The following SAMD7 variants were observed in gnomAD, a reference collection of about 807,000 sequenced individuals.
SAMD7 encodes sterile alpha motif domain-containing protein 7.
A neutral mutation model predicts 36.7 loss-of-function variants in SAMD7; 34 were observed. The observed-to-expected ratio is 0.93, with a 90% CI of 0.71 to 1.23. The LOEUF (loss-of-function observed/expected upper bound fraction) is 1.23. SAMD7 is among the 50% of genes most tolerant of loss of function. The probability of loss-of-function intolerance (pLI) is 0.00; values close to 1 mark genes in which losing one functional copy is unlikely to be tolerated. For missense variants in SAMD7, 570 were observed against 546.6 expected, an observed-to-expected ratio of 1.04 and a Z score of -0.43; for synonymous variants, 188 against 189.7, an observed-to-expected ratio of 0.99 and a Z score of 0.07.
intron 6 of SAMD7, among the ~76,000 whole-genome samples, chr3:169,927,487 G>A (rs1713326545): frequency 6.6e-6 from 1 of 151,760 alleles, no homozygotes; most frequent in African/African-American, 2.4e-5. Context: ...ATTAGAGCCG[G>A]GGTTTCACCA....
chr3:169,917,333 T>C (rs1044305611), intron 2 of SAMD7, among the ~76,000 whole-genome samples: 1 of 152,224 alleles, frequency 6.6e-6, no homozygotes, highest in African/African-American at 2.4e-5. Context: ...GTCACTACTT[T>C]GAAAAGCAGA....
chr3:169,922,680 A>G (rs190776094), intron 4 of SAMD7, among the ~76,000 whole-genome samples: 87 of 152,198 alleles, frequency 5.7e-4, no homozygotes, highest in African/African-American at 1.9e-3. Flanking sequence ...TTGTATTATT[A>G]GTAGAGACAG....
At position 169,933,057 on chromosome 3, in the gene SAMD7, A is replaced by G. The variant is rs932042484; in HGVS notation, c.1042-3282A>G. 35 of 878,072 alleles carry G rather than the reference A, an allele frequency of 4.0e-5. No homozygotes were observed. In the Admixed American group the frequency reaches 5.9e-4, roughly 15 times the overall value. The allele number at this position is 878,072 out of a possible 1,614,324, so 54.4% of individuals were successfully genotyped here. On this transcript the variant is annotated intron_variant, in intron 7 of 8. Transcript: ENST00000335556. ...GAACTACCTAAAGAATGGTGTGCTGAAGTCTACCTTAAAATCTGCCATGGC... is the reference window on the plus strand; with the variant it reads ...GAACTACCTAAAGAATGGTGTGCTGGAGTCTACCTTAAAATCTGCCATGGC...
chr3:169,917,834 G>A (rs996333040), intron 2 of SAMD7, among the ~76,000 whole-genome samples: 2 of 152,046 alleles, frequency 1.3e-5, no homozygotes, highest in African/African-American at 2.4e-5. Context: ...GGAGAGACAT[G>A]GTTTCACCAT....
At position 169,930,576 on chromosome 3, in the gene SAMD7, TTC is replaced by T. The variant is rs1365890655; in HGVS notation, c.1041+2000_1041+2001del. 8.8e-4 allele frequency among the ~76,000 whole-genome samples: 102 copies of T among 115,814 alleles called. 2 individuals are homozygous for T. The East Asian group carries it at 0.02, about 23-fold the overall frequency. 76.0% of individuals were successfully genotyped at this position (115,814 alleles called of 152,430 possible). ...CATTGTTACTCATAGCCCCTTTCTT[TTC>T]TTTTTTTTTTTTTTTTTTTTTGAGA... On this transcript the variant is annotated intron_variant, in intron 7 of 8. Transcript: ENST00000335556.
At chr3:169,933,864 A>G (rs1174720544) in intron 7 of SAMD7, among the ~76,000 whole-genome samples, 2 of 152,224 alleles carry the variant, frequency 1.3e-5, no homozygotes, top group Non-Finnish European at 2.9e-5. Flanking sequence ...GGTACAGAGC[A>G]TGGTGGGAAC....
intron 4 of SAMD7, among the ~76,000 whole-genome samples, chr3:169,923,674 G>A (rs1168142666): frequency 2.0e-5 from 3 of 152,136 alleles, no homozygotes; most frequent in Non-Finnish European, 2.9e-5. Context: ...CACGGGAGAG[G>A]GAGGTTGCAA....
intron 7 of SAMD7, 32 bp from the exon 8 acceptor site, chr3:169,936,307 A>C: frequency 7.5e-7 from 1 of 1,337,740 alleles, no homozygotes; most frequent in Non-Finnish European, 1.1e-6. Flanking sequence ...AAAGACATTC[A>C]GACAGAGTTA....
chr3:169,915,917 T>C (rs9876612), intron 2 of SAMD7, among the ~76,000 whole-genome samples: 47,409 of 151,872 alleles, frequency 0.31, 7,529 homozygotes, highest in Middle Eastern at 0.37. Flanking sequence ...TTGAGGAAAA[T>C]TTGATATAAA....
rs766350696 is a variant in SAMD7 at position 169,919,564 on chromosome 3, T to G, written c.66T>G (p.Phe22Leu). 1.9e-6 allele frequency: 3 copies of G among 1,613,644 alleles called. No homozygotes were observed. The highest frequency in any genetic ancestry group is 3.3e-5 in the Admixed American group (2 of 60,004). ...QQTIPLIPSPFGPPTVDRDVL... is the reference protein window; with the variant it reads ...QQTIPLIPSPLGPPTVDRDVL... Reference sequence around the variant, plus strand: ...CAATCCCACTGATCCCCTCACCATTTGGGCCTCCAACTGTGGACAGGTATT... The same window carrying G: ...CAATCCCACTGATCCCCTCACCATTGGGGCCTCCAACTGTGGACAGGTATT... The change falls in exon 3 of 9, where the codon TTT becomes TTG. Residue 22 changes from phenylalanine (F) to leucine (L), a missense_variant. Transcript: ENST00000335556.
intron 1 of SAMD7, among the ~76,000 whole-genome samples, chr3:169,913,128 C>A (rs1388143558): frequency 6.6e-6 from 1 of 152,188 alleles, no homozygotes; most frequent in African/African-American, 2.4e-5. Context: ...TATCTCAGAA[C>A]TGTGGAAACA....
rs1311379305 is a variant in SAMD7, at chr3:169,938,444, A to AT, written c.1285dup (p.Cys429LeufsTer9). 2 of 1,613,294 alleles carry AT rather than the reference A, an allele frequency of 1.2e-6. No individual in the cohort carries two copies. The highest frequency in any genetic ancestry group is 3.3e-5 in the Admixed American group (2 of 59,994). ...TAATTCCTGGAGTGATACAATGAACATTTTTTGTCCCCAGGATACAATAAT... is the reference window on the plus strand; with the variant it reads ...TAATTCCTGGAGTGATACAATGAACATTTTTTTGTCCCCAGGATACAATAAT... On this transcript the variant is annotated frameshift_variant, in exon 9 of 9. Coordinates refer to ENST00000335556, the MANE Select transcript of SAMD7 (RefSeq NM_001304366.2). LOFTEE classifies it high-confidence loss of function.
chr3:169,918,013 A>G (rs1345675083), intron 2 of SAMD7, among the ~76,000 whole-genome samples: 1 of 151,120 alleles, frequency 6.6e-6, no homozygotes, highest in Non-Finnish European at 1.5e-5. Context: ...TCTCAGCTCA[A>G]CGCAACCTCC....
rs2108254109 is a variant in SAMD7, at chr3:169,915,442, G to A, written c.-42+1G>A. 1 of 152,076 alleles carries A rather than the reference G, an allele frequency of 6.6e-6. No individual in the cohort carries two copies. Among genetic ancestry groups the A allele is most frequent in the Non-Finnish European group, 1.5e-5 (1 of 68,020 alleles). 9.4% of individuals were successfully genotyped at this position (152,076 alleles called of 1,614,324 possible). On this transcript the variant is annotated splice_donor_variant, in intron 2 of 8. Coordinates refer to ENST00000335556, the MANE Select transcript of SAMD7 (RefSeq NM_001304366.2). LOFTEE classifies it low-confidence loss of function (5UTR_SPLICE). ...TTCATCTCCACGGCTTTTCCTAAAG[G>A]TAACATGTAAGAGGAAGAGGTGGTG...
At chr3:169,927,326 G>A (rs1478248014) in intron 6 of SAMD7, 145 bp downstream of exon 6, 4 of 595,654 alleles carry the variant, frequency 6.7e-6, no homozygotes, top group Non-Finnish European at 9.5e-6. Context: ...ACGGAGTCCC[G>A]CTCAGTCGCC....
chr3:169,915,037 G>GA (rs1712739051), intron 1 of SAMD7, among the ~76,000 whole-genome samples: 1 of 152,142 alleles, frequency 6.6e-6, no homozygotes, highest in Non-Finnish European at 1.5e-5. Flanking sequence ...TTCTCAGTCT[G>GA]AAGGTTTTCT....
chr3:169,915,906 A>G (rs1481835385), intron 2 of SAMD7, among the ~76,000 whole-genome samples: 1 of 152,016 alleles, frequency 6.6e-6, no homozygotes, highest in Non-Finnish European at 1.5e-5. Flanking sequence ...AAATACCCTT[A>G]TTGAGGAAAA....
In SAMD7 at chr3:169,926,764, G is replaced by A; in HGVS notation, c.502G>A (p.Ala168Thr). The change falls in exon 6 of 9, where the codon GCA becomes ACA. Residue 168 changes from alanine (A) to threonine (T), a missense_variant. Coordinates refer to ENST00000335556, the MANE Select transcript of SAMD7 (RefSeq NM_001304366.2). ...CCTTCAGGGAAACCCCATGCTAGCG[G>A]CAACTGCACCACACTTTGAGGAGAG... ...RNLQGNPMLAATAPHFEESWG... is the reference protein window; with the variant it reads ...RNLQGNPMLATTAPHFEESWG... 1 of 1,613,872 alleles carries A rather than the reference G, an allele frequency of 6.2e-7. No individual in the cohort carries two copies.
Position 169,938,699 on chromosome 3 carries a change from G to A in SAMD7, c.*193G>A. 1 of 433,710 alleles carries A rather than the reference G, an allele frequency of 2.3e-6. No homozygotes were observed. 26.9% of individuals were successfully genotyped at this position (433,710 alleles called of 1,614,324 possible). ...TGAATGACCCCAGCACCAAATGACT[G>A]GAGACGCATCCTTAGGAGCAAATGC... On this transcript the variant is annotated 3_prime_UTR_variant, in exon 9 of 9. Coordinates refer to ENST00000335556, the MANE Select transcript of SAMD7 (RefSeq NM_001304366.2).
Sources: gnomAD v4.1 joint callset for allele counts (sites outside exome capture counted in the v4.1 genomes callset) on GRCh38, gnomAD v4.1.1 for gene constraint, MANE v1.5 for transcripts, NCBI Gene and HGNC (gene_info 2026-07-23, HGNC 2026-07-21) for gene names.